The following ZNF292 variants were observed in gnomAD, a reference collection of about 807,000 sequenced individuals.
ZNF292 encodes the protein 16 zinc-finger domain protein.
ZNF292 carries 26 observed loss-of-function variants against 217.9 expected under a neutral mutation model. The observed-to-expected ratio is 0.12, with a 90% CI of 0.09 to 0.17. ZNF292 has a LOEUF of 0.17. Among genes scored for constraint, ZNF292 ranks in the 10% least tolerant of loss-of-function variants. ZNF292 has a pLI of 1.00. For missense variants in ZNF292, 2,904 were observed against 3,175.2 expected, an observed-to-expected ratio of 0.91 and a Z score of 2.05; for synonymous variants, 1,257 against 1,124.1, an observed-to-expected ratio of 1.12 and a Z score of -2.37.
rs75584797 is a variant in ZNF292, at chr6:87,161,254, C to G, written c.168+5495C>G. Among the ~76,000 whole-genome samples, 685 of 152,104 alleles carry G rather than the reference C, an allele frequency of 4.5e-3. 6 individuals are homozygous for G. The highest frequency in any genetic ancestry group is 0.017 in the Middle Eastern group (5 of 294). On this transcript the variant is annotated intron_variant, in intron 1 of 7. Coordinates refer to ENST00000369577, the MANE Select transcript of ZNF292 (RefSeq NM_015021.3). ...ACATTTTGATATAATAAATTCTGTA[C>G]TTTTAAGAAAGCATTTATATGCAAG... is the stretch of plus-strand genomic sequence containing the variant.
Position 87,258,243 on chromosome 6 carries a change from C to T in ZNF292, c.4614C>T (p.His1538=), listed in dbSNP as rs1775347888. 1 of 1,612,806 alleles carries T rather than the reference C, an allele frequency of 6.2e-7. No homozygotes were observed. The highest frequency in any genetic ancestry group is 8.5e-7 in the Non-Finnish European group (1 of 1,179,500). Residue 1538 remains histidine (H), a synonymous_variant, in exon 8 of 8, where the codon CAC becomes CAT. Transcript: ENST00000369577. The part of the protein sequence containing the change: ...MPNPTVPPLL[H]TVCHPNTLLT... ...ATCCAACTGTACCACCCCTGTTGCA[C>T]ACTGTATGCCATCCAAACACCTTGC...
intron 1 of ZNF292, among the ~76,000 whole-genome samples, chr6:87,203,267 G>A (rs1310071016): frequency 2.0e-5 from 3 of 150,662 alleles, no homozygotes; most frequent in African/African-American, 7.3e-5. Flanking sequence ...CAGCACCCCA[G>A]AGTAGCTGGG....
At chr6:87,181,108 G>A (rs768072150) in intron 1 of ZNF292, among the ~76,000 whole-genome samples, 2 of 152,124 alleles carry the variant, frequency 1.3e-5, no homozygotes, top group South Asian at 4.1e-4. Context: ...GTCTGCAGAC[G>A]GCTTTGAGTG....
At position 87,258,607 on chromosome 6, in the gene ZNF292, A is replaced by G. The variant is rs753518661; in HGVS notation, c.4978A>G (p.Lys1660Glu). 1.9e-6 allele frequency: 3 copies of G among 1,613,724 alleles called. No homozygotes were observed. Among genetic ancestry groups the G allele is most frequent in the South Asian group, 1.1e-5 (1 of 91,056 alleles). The change falls in exon 8 of 8, where the codon AAG (lysine) becomes GAG (glutamate). Residue 1660 changes from lysine (K) to glutamate (E), a missense_variant. Physicochemically the swap from Lys to Glu is moderately conservative, Grantham distance 56. This residue lies in a region of ZNF292 where 622 missense variants were observed against 573.1 expected (regional missense o/e 1.09). Coordinates refer to ENST00000369577, the MANE Select transcript of ZNF292 (RefSeq NM_015021.3). ...CTTAACAACAATGGGACTCATAGCA[A>G]AGAGTGTTGAAATCCCAACTACTAA... ...SDLTTMGLIA[K>E]SVEIPTTNLH...
intron 6 of ZNF292, among the ~76,000 whole-genome samples, chr6:87,245,196 C>T (rs550311233): frequency 1.9e-4 from 29 of 151,868 alleles, no homozygotes; most frequent in Non-Finnish European, 3.1e-4. Context: ...GCCGAGATTG[C>T]GTCACTGCAC....
intron 1 of ZNF292, chr6:87,170,407 C>T (rs1017226655): frequency 6.6e-6 from 1 of 152,152 alleles, no homozygotes; most frequent in African/African-American, 2.4e-5. Flanking sequence ...TTGTAGAAAG[C>T]ATTTCTGAAT....
chr6:87,241,976 G>A (rs1316625496), intron 5 of ZNF292, among the ~76,000 whole-genome samples: 1 of 152,144 alleles, frequency 6.6e-6, no homozygotes, highest in Non-Finnish European at 1.5e-5. Context: ...TTCAACTTAG[G>A]ATGGGCGTGT....
At chr6:87,248,785 TGAATG>T (rs2127846841) in intron 7 of ZNF292, among the ~76,000 whole-genome samples, 1 of 152,278 alleles carries the variant, frequency 6.6e-6, no homozygotes, top group African/African-American at 2.4e-5. Context: ...TTAAATCAGA[TGAATG>T]GAGGAGGTTA....
At chr6:87,167,962 G>A (rs1041453537) in intron 1 of ZNF292, among the ~76,000 whole-genome samples, 1 of 152,180 alleles carries the variant, frequency 6.6e-6, no homozygotes, top group Non-Finnish European at 1.5e-5. Context: ...TTGGTTGAAG[G>A]CACCTATCCT....
At chr6:87,207,259 T>C (rs1307314701) in intron 1 of ZNF292, among the ~76,000 whole-genome samples, 2 of 152,250 alleles carry the variant, frequency 1.3e-5, no homozygotes, top group African/African-American at 4.8e-5. Flanking sequence ...TATGTACTTT[T>C]TTAAGCTGTA....
At chr6:87,240,699 C>T (rs150747468) in intron 5 of ZNF292, among the ~76,000 whole-genome samples, 1 of 152,224 alleles carries the variant, frequency 6.6e-6, no homozygotes, top group East Asian at 1.9e-4. Context: ...GAATTTCAGG[C>T]GTGAGCCACC....
chr6:87,203,592 C>T (rs2127791014), intron 1 of ZNF292, among the ~76,000 whole-genome samples: 1 of 148,722 alleles, frequency 6.7e-6, no homozygotes, highest in East Asian at 1.9e-4. Context: ...AGGTATGTAT[C>T]TGCAAGGGGG....
intron 1 of ZNF292, among the ~76,000 whole-genome samples, chr6:87,181,359 A>G (rs1192690953): frequency 2.0e-5 from 3 of 151,974 alleles, no homozygotes; most frequent in Admixed American, 2.0e-4. Flanking sequence ...ACTCCTCTCA[A>G]TATTCAGGTG....
intron 1 of ZNF292, among the ~76,000 whole-genome samples, chr6:87,197,051 T>C (rs1771970283): frequency 6.7e-6 from 1 of 148,264 alleles, no homozygotes; most frequent in Non-Finnish European, 1.5e-5. Context: ...CAAATCCAAA[T>C]GTCCAACAAA....
At chr6:87,169,181 T>G (rs1771012409) in intron 1 of ZNF292, among the ~76,000 whole-genome samples, 1 of 152,026 alleles carries the variant, frequency 6.6e-6, no homozygotes, top group Admixed American at 6.5e-5. Flanking sequence ...CAGCTGCAAT[T>G]ACAGGTGCGC....
chr6:87,263,128 C>G lies in ZNF292; in HGVS notation c.*1327C>G, dbSNP rs1775688179. ...TTATTCAGTATATAGTTAGCTCTTA[C>G]AGTTTAGCTTTATTCACCATATTTA... On this transcript the variant is annotated 3_prime_UTR_variant, in exon 8 of 8. Coordinates refer to ENST00000369577, the MANE Select transcript of ZNF292 (RefSeq NM_015021.3). 6.6e-6 allele frequency: 1 copy of G among 151,932 alleles called. No homozygotes were observed. Among genetic ancestry groups the G allele is most frequent in the Admixed American group, 6.6e-5 (1 of 15,248 alleles). The allele number at this position is 151,932 out of a possible 1,614,324, so 9.4% of individuals were successfully genotyped here.
At chr6:87,197,911 T>C (rs1007553819) in intron 1 of ZNF292, among the ~76,000 whole-genome samples, 1 of 152,102 alleles carries the variant, frequency 6.6e-6, no homozygotes, top group Non-Finnish European at 1.5e-5. Flanking sequence ...ATTTCTATTT[T>C]AAGAATATTT....
At position 87,256,549 on chromosome 6, in the gene ZNF292, G is replaced by A; in HGVS notation, c.2920G>A (p.Val974Ile). The A allele has an allele frequency of 6.2e-7, 1 of 1,613,482 alleles. No homozygotes were observed. The highest frequency in any genetic ancestry group is 8.5e-7 in the Non-Finnish European group (1 of 1,179,824). ...EALVTDLHTP[V>I]EDTCNDLCHP... ...ACTGGTCACAGACTTACATACGCCA[G>A]TTGAAGATACTTGTAATGATTTGTG... is the stretch of plus-strand genomic sequence containing the variant. The change falls in exon 8 of 8, where the codon GTT becomes ATT. Residue 974 changes from valine to isoleucine, a missense_variant. Transcript: ENST00000369577.
rs1293343894 is a variant in ZNF292 at position 87,259,102 on chromosome 6, A to G, written c.5473A>G (p.Ile1825Val). 1.9e-6 allele frequency: 3 copies of G among 1,613,320 alleles called. No individual in the cohort carries two copies. The highest frequency in any genetic ancestry group is 8.5e-7 in the Non-Finnish European group (1 of 1,179,628). ...FISVMPTKSN[I>V]PQSEVSHKED... is the part of the protein sequence containing the mutation. Reference sequence around the variant, plus strand: ...AAGTGTCATGCCAACAAAAAGTAACATTCCTCAGTCTGAAGTATCACATAA... The same window carrying G: ...AAGTGTCATGCCAACAAAAAGTAACGTTCCTCAGTCTGAAGTATCACATAA... Residue 1825 changes from isoleucine (I) to valine (V), a missense_variant, in exon 8 of 8, where the codon ATT (isoleucine) becomes GTT (valine). Coordinates refer to ENST00000369577, the MANE Select transcript of ZNF292 (RefSeq NM_015021.3).
Sources: allele counts gnomAD v4.1 joint callset (sites outside exome capture counted in the v4.1 genomes callset), GRCh38; gene constraint gnomAD v4.1.1; regional missense constraint gnomAD v4.1.1; transcripts MANE v1.5; gene names NCBI Gene and HGNC (gene_info 2026-07-23, HGNC 2026-07-21).